The following MYBL1 variants were observed in gnomAD, a reference collection of about 807,000 sequenced individuals.
MYBL1 encodes MYB proto-oncogene like 1.
MYBL1 carries 17 observed loss-of-function variants against 96.3 expected under a neutral mutation model. The ratio of observed to expected loss-of-function variants is 0.18; its 90% CI spans 0.12 to 0.26. The LOEUF (loss-of-function observed/expected upper bound fraction) is 0.26. MYBL1 is among the 10% of genes least tolerant of loss of function. The pLI, the probability that MYBL1 is intolerant of heterozygous loss-of-function variation, is 1.00. For missense variants in MYBL1, 701 were observed against 882.9 expected (o/e 0.79, Z 2.61); for synonymous variants, 282 against 292.7 (o/e 0.96, Z 0.37).
chr8:66,599,630 G>A (rs535522904), intron 3 of MYBL1, among the ~76,000 whole-genome samples: 93 of 152,092 alleles, frequency 6.1e-4, no homozygotes, highest in African/African-American at 2.1e-3. Context: ...GAGAAACCCC[G>A]TCTCTACTAA....
At position 66,590,880 on chromosome 8, in the gene MYBL1, T is replaced by C. The variant is rs1221980997; in HGVS notation, c.867+1560A>G. ...ACTGTAGGATGACTACAGTTAACAA[T>C]ATTAAATAGTTTCAAATAGTTAGAA... On this transcript the variant is annotated intron_variant, in intron 8 of 15. Transcript: ENST00000522677. 2.0e-5 allele frequency among the ~76,000 whole-genome samples: 3 copies of C among 152,248 alleles called. No homozygotes were observed. The East Asian group carries it at 5.8e-4, about 29-fold the overall frequency.
At chr8:66,580,686 CT>C (rs1440281195) in intron 8 of MYBL1, among the ~76,000 whole-genome samples, 1 of 152,108 alleles carries the variant, frequency 6.6e-6, no homozygotes, top group Non-Finnish European at 1.5e-5. Context: ...ATATTTAAAC[CT>C]TATCATGTGT....
intron 8 of MYBL1, among the ~76,000 whole-genome samples, chr8:66,583,298 G>A (rs1809289500): frequency 6.6e-6 from 1 of 152,162 alleles, no homozygotes; most frequent in East Asian, 1.9e-4. Flanking sequence ...CAAATGAAAA[G>A]TAGAAACAAA....
chr8:66,584,893 A>C (rs1809352383), intron 8 of MYBL1, among the ~76,000 whole-genome samples: 1 of 152,142 alleles, frequency 6.6e-6, no homozygotes, highest in African/African-American at 2.4e-5. Context: ...TGAAGAGGAC[A>C]TGAAAAAATA....
Position 66,613,178 on chromosome 8 carries a change from C to G in MYBL1, c.-340G>C, listed in dbSNP as rs959558270. On this transcript the variant is annotated 5_prime_UTR_variant, in exon 1 of 16. Coordinates refer to ENST00000522677, the MANE Select transcript of MYBL1 (RefSeq NM_001080416.4). ...GGCCCCAGCCCGGCTCCGCCACAGG[C>G]GCCCGACCCCTGCCCTCTCCCCCGC... 2.5e-5 allele frequency: 10 copies of G among 400,880 alleles called. No homozygotes were observed. The highest frequency in any genetic ancestry group is 8.2e-5 in the African/African-American group (4 of 48,648). The allele number at this position is 400,880 out of a possible 1,614,324, so 24.8% of individuals were successfully genotyped here.
At chr8:66,610,094 A>T (rs974772147) in intron 1 of MYBL1, among the ~76,000 whole-genome samples, 19 of 152,160 alleles carry the variant, frequency 1.2e-4, no homozygotes, top group African/African-American at 4.6e-4. Flanking sequence ...CAGGTTTCTA[A>T]ATGACATTTT....
intron 8 of MYBL1, among the ~76,000 whole-genome samples, chr8:66,586,810 T>TAC (rs1158446597): frequency 5.3e-5 from 8 of 152,220 alleles, no homozygotes; most frequent in Non-Finnish European, 4.4e-5. Context: ...TGTATATTTA[T>TAC]ACACACACAC....
Position 66,599,042 on chromosome 8 carries a change from C to T in MYBL1, c.291+8G>A, listed in dbSNP as rs924124640. The stretch of plus-strand genomic sequence containing the variant: ...ACATAGTGAATATAAAGAATATGAA[C>T]ACATTACCCTCTGATCTTCTTCTTT... On this transcript the variant is annotated splice_region_variant and intron_variant, in intron 4 of 15. Coordinates refer to ENST00000522677, the MANE Select transcript of MYBL1 (RefSeq NM_001080416.4). 2 of 1,546,944 alleles carry T rather than the reference C, an allele frequency of 1.3e-6. No homozygotes were observed. Among genetic ancestry groups the T allele is most frequent in the African/African-American group, 2.8e-5 (2 of 71,684 alleles).
intron 1 of MYBL1, among the ~76,000 whole-genome samples, chr8:66,605,778 T>G (rs1420544752): frequency 3.3e-5 from 5 of 152,168 alleles, no homozygotes; most frequent in Middle Eastern, 3.2e-3. Flanking sequence ...ATTGCACCAT[T>G]GCACTCCAGC....
intron 1 of MYBL1, among the ~76,000 whole-genome samples, chr8:66,608,951 A>G (rs1002945537): frequency 6.6e-6 from 1 of 152,128 alleles, no homozygotes; most frequent in African/African-American, 2.4e-5. Context: ...AGTCAAAGAA[A>G]ATATTTATGT....
rs1177092811 is a variant in MYBL1, at chr8:66,562,708, G to A, written c.*1989C>T. On this transcript the variant is annotated 3_prime_UTR_variant, in exon 16 of 16. Coordinates refer to ENST00000522677, the MANE Select transcript of MYBL1 (RefSeq NM_001080416.4). Reference sequence around the variant, plus strand: ...AACAACAACAACAAAAAACCATTATGTGCTATTAGTTCAAGGTAACTGAAA... The same window carrying A: ...AACAACAACAACAAAAAACCATTATATGCTATTAGTTCAAGGTAACTGAAA... 1 of 152,386 alleles carries A rather than the reference G, an allele frequency of 6.6e-6. No individual in the cohort carries two copies. The highest frequency in any genetic ancestry group is 1.5e-5 in the Non-Finnish European group (1 of 67,980). The allele number at this position is 152,386 out of a possible 1,614,324, so 9.4% of individuals were successfully genotyped here. A position where few individuals can be genotyped will look rare whatever the true frequency, so the allele number is the denominator to read the frequency against.
chr8:66,602,552 A>C, intron 1 of MYBL1, 29 bp from the exon 2 acceptor site: 4 of 1,503,896 alleles, frequency 2.7e-6, no homozygotes, highest in Non-Finnish European at 2.7e-6. Flanking sequence ...TTGTGATATC[A>C]AGAATTTTAT....
chr8:66,568,094 C>T (rs1348166943), intron 12 of MYBL1, among the ~76,000 whole-genome samples: 1 of 150,622 alleles, frequency 6.6e-6, no homozygotes, highest in African/African-American at 2.4e-5. Context: ...CAAAAAAACA[C>T]CAGCAGCTTA....
At chr8:66,601,922 A>G (rs1586596364) in intron 2 of MYBL1, among the ~76,000 whole-genome samples, 153 bp from the exon 3 acceptor site, 1 of 152,338 alleles carries the variant, frequency 6.6e-6, no homozygotes, top group Non-Finnish European at 1.5e-5. Flanking sequence ...CATTTATTAT[A>G]CTGTTTCTCT....
chr8:66,602,265 G>T (rs1388041777), intron 2 of MYBL1, among the ~76,000 whole-genome samples, 153 bp downstream of exon 2: 1 of 151,958 alleles, frequency 6.6e-6, no homozygotes, highest in African/African-American at 2.4e-5. Context: ...TGGCCAGGCT[G>T]GTCTTGAACT....
chr8:66,569,168 C>T (rs1808631506), intron 12 of MYBL1, among the ~76,000 whole-genome samples: 1 of 152,114 alleles, frequency 6.6e-6, no homozygotes, highest in African/African-American at 2.4e-5. Flanking sequence ...CACATGTTCC[C>T]ATCATTTAGC....
chr8:66,573,485 T>C lies in MYBL1; in HGVS notation c.1492A>G (p.Asn498Asp). Residue 498 changes from asparagine (N) to aspartate (D), a missense_variant, in exon 11 of 16, where the codon AAT becomes GAT. Asn to Asp is a conservative substitution (Grantham distance 23, BLOSUM62 1). Around this residue, in one of 5 missense-constraint regions of MYBL1, gnomAD observed 396 missense variants for 407.4 expected, o/e 0.97. Transcript: ENST00000522677. ...GGATTTTCTATATTAAGTTGTTCAT[T>C]ACCAGGACATGTGTTGAAAAACTAG... The part of the protein sequence containing the change: ...PSQFFNTCPG[N>D]EQLNIENPSF... 6.2e-7 allele frequency: 1 copy of C among 1,607,492 alleles called. No homozygotes were observed. The highest frequency in any genetic ancestry group is 1.1e-5 in the South Asian group (1 of 89,106).
chr8:66,580,186 A>G lies in MYBL1; in HGVS notation c.1048T>C (p.Ser350Pro). 1 of 1,613,970 alleles carries G rather than the reference A, an allele frequency of 6.2e-7. No homozygotes were observed. The highest frequency in any genetic ancestry group is 8.5e-7 in the Non-Finnish European group (1 of 1,179,868). The change falls in exon 9 of 16, where the codon TCC becomes CCC. Residue 350 changes from serine (S) to proline (P), a missense_variant. By Grantham distance (74) the Ser-to-Pro change is moderately conservative. This residue lies in a region of MYBL1 where 396 missense variants were observed against 407.4 expected (regional missense o/e 0.97). Transcript: ENST00000522677. ...FLAVEANAVL[S>P]SLQTIPEFAE... ...AATTCTGGGATGGTCTGCAAAGAGG[A>G]TAACACAGCGTTTGCCTCCACGGCC...
intron 10 of MYBL1, among the ~76,000 whole-genome samples, chr8:66,574,756 T>C (rs560186288): frequency 6.6e-6 from 1 of 152,338 alleles, no homozygotes; most frequent in Non-Finnish European, 1.5e-5. Context: ...TGAGATGCTA[T>C]AAGAAGATTG....
Sources: gnomAD v4.1 joint callset for allele counts (sites outside exome capture counted in the v4.1 genomes callset) on GRCh38, gnomAD v4.1.1 for gene constraint, gnomAD v4.1.1 regional missense constraint, MANE v1.5 for transcripts, NCBI Gene and HGNC (gene_info 2026-07-23, HGNC 2026-07-21) for gene names.